Variants in CSMD1 observed in about 807,000 individuals in gnomAD.
The protein encoded by CSMD1 is CUB and Sushi multiple domains 1, also known as CUB and sushi domain-containing protein 1.
CSMD1 carries 213 observed loss-of-function variants against 417.5 expected under a neutral mutation model. The ratio of observed to expected loss-of-function variants is 0.51; its 90% CI spans 0.46 to 0.57. The LOEUF is 0.57. Ranked by LOEUF, CSMD1 falls within the 20% of genes least tolerant of loss-of-function variation. The pLI is 0.00. For missense variants in CSMD1, 6,923 were observed against 4,529.7 expected (o/e 1.53, Z -15.17); for synonymous variants, 2,862 against 1,736.8 (o/e 1.65, Z -16.11).
chr8:3,469,916 G>T (rs904041957), intron 11 of CSMD1, among the ~76,000 whole-genome samples: 1 of 152,162 alleles, frequency 6.6e-6, no homozygotes, highest in Non-Finnish European at 1.5e-5. Context: ...TGGCAACATT[G>T]TTCTTTTTCA....
At chr8:3,946,973 A>C (rs374251927) in intron 5 of CSMD1, among the ~76,000 whole-genome samples, 2 of 152,190 alleles carry the variant, frequency 1.3e-5, no homozygotes, top group African/African-American at 4.8e-5. Flanking sequence ...CACAGCAATC[A>C]CATCATATAA....
intron 1 of CSMD1, among the ~76,000 whole-genome samples, chr8:4,977,983 G>T (rs534747962): frequency 2.6e-5 from 4 of 152,260 alleles, no homozygotes; most frequent in East Asian, 1.9e-4. Context: ...TATTTACGAG[G>T]TTTCCCTGTT....
At chr8:3,204,124 G>A (rs998850904) in intron 31 of CSMD1, among the ~76,000 whole-genome samples, 34 of 152,306 alleles carry the variant, frequency 2.2e-4, no homozygotes, top group East Asian at 1.3e-3. Context: ...CTGTAACTAC[G>A]TTATTCCACG....
chr8:3,422,337 T>C (rs116955274), intron 12 of CSMD1, among the ~76,000 whole-genome samples: 2 of 152,174 alleles, frequency 1.3e-5, no homozygotes, highest in Non-Finnish European at 2.9e-5. Context: ...TTGGAAAAAA[T>C]GAGCCAGAAG....
In CSMD1 at chr8:4,815,314, G is replaced by A. The variant is rs147055272; in HGVS notation, c.86-177756C>T. 2.6e-3 allele frequency among the ~76,000 whole-genome samples: 400 copies of A among 152,262 alleles called. 3 individuals are homozygous for A. The highest frequency in any genetic ancestry group is 0.01 in the Middle Eastern group (3 of 294). Reference sequence around the variant, plus strand: ...TGTCCTTCCCTGCTCAGCCTTCTGAGTTAGGCAAAAGGTATGACATCACAG... The same window carrying A: ...TGTCCTTCCCTGCTCAGCCTTCTGAATTAGGCAAAAGGTATGACATCACAG... On this transcript the variant is annotated intron_variant, in intron 1 of 69. Coordinates refer to ENST00000635120, the MANE Select transcript of CSMD1 (RefSeq NM_033225.6).
intron 1 of CSMD1, among the ~76,000 whole-genome samples, chr8:4,934,933 A>C (rs1206287942): frequency 5.3e-5 from 8 of 152,124 alleles, no homozygotes; most frequent in Non-Finnish European, 1.0e-4. Context: ...TCATCCATCA[A>C]TCATCTATTT....
At chr8:4,219,631 GC>G (rs138969588) in intron 3 of CSMD1, among the ~76,000 whole-genome samples, 1,693 of 152,266 alleles carry the variant, frequency 0.011, 19 homozygotes, top group Non-Finnish European at 0.015. Context: ...ATCACTTTAA[GC>G]AAATCTTTGT....
chr8:4,538,193 T>C, intron 2 of CSMD1, among the ~76,000 whole-genome samples: 2 of 133,070 alleles, frequency 1.5e-5, no homozygotes. Context: ...GTGGCTACAT[T>C]TTTTTTTTTT....
At chr8:3,976,003 A>C (rs1324430482) in intron 5 of CSMD1, among the ~76,000 whole-genome samples, 1 of 152,152 alleles carries the variant, frequency 6.6e-6, no homozygotes, top group African/African-American at 2.4e-5. Flanking sequence ...CATTTAAAAT[A>C]TTATGATCCT....
intron 2 of CSMD1, among the ~76,000 whole-genome samples, chr8:4,620,549 T>C (rs1418973286): frequency 6.6e-6 from 1 of 151,676 alleles, no homozygotes; most frequent in Non-Finnish European, 1.5e-5. Context: ...AGAATAAAAA[T>C]TGCACAGAGT....
At position 3,409,593 on chromosome 8, in the gene CSMD1, C is replaced by A; in HGVS notation, c.1574G>T (p.Gly525Val). The change falls in exon 13 of 70, where the codon GGA becomes GTA. Residue 525 changes from glycine (G) to valine (V), a missense_variant. Transcript: ENST00000635120. The part of the protein sequence containing the change: ...FKAVYQEIEK[G>V]GCGDPGIPAY... ...GGGGATTCCAGGATCCCCACACCCT[C>A]CCTTTTCAATTTCTGAAAATGGAAA... The A allele has an allele frequency of 6.3e-7, 1 of 1,586,822 alleles. No homozygotes were observed.
intron 49 of CSMD1, among the ~76,000 whole-genome samples, chr8:3,067,281 C>A (rs577841938): frequency 1.3e-5 from 2 of 152,292 alleles, no homozygotes; most frequent in African/African-American, 4.8e-5. Context: ...ATGTACAAAT[C>A]ATTACCAGAC....
intron 3 of CSMD1, among the ~76,000 whole-genome samples, chr8:4,407,096 T>A (rs917991340): frequency 6.6e-6 from 1 of 152,202 alleles, no homozygotes; most frequent in Non-Finnish European, 1.5e-5. Context: ...GCTTTCATAC[T>A]GTAGCAGCAG....
intron 5 of CSMD1, among the ~76,000 whole-genome samples, chr8:3,866,918 T>A (rs1805143922): frequency 6.6e-6 from 1 of 152,216 alleles, no homozygotes; most frequent in South Asian, 2.1e-4. Context: ...ATACTGCCAC[T>A]GGACATATGC....
At chr8:3,327,628 G>T (rs1446446347) in intron 23 of CSMD1, among the ~76,000 whole-genome samples, 1 of 152,104 alleles carries the variant, frequency 6.6e-6, no homozygotes, top group African/African-American at 2.4e-5. Flanking sequence ...AGTGACCTGG[G>T]AATAGTAAAG....
chr8:3,714,602 T>C (rs1348584981), intron 6 of CSMD1, among the ~76,000 whole-genome samples: 1 of 118,728 alleles, frequency 8.4e-6, no homozygotes, highest in Non-Finnish European at 1.7e-5. Context: ...CCAGGCATGG[T>C]GGCGGGCGAC....
chr8:3,320,008 C>T (rs4875609), intron 23 of CSMD1, among the ~76,000 whole-genome samples: 71,731 of 151,864 alleles, frequency 0.47, 17,952 homozygotes, highest in South Asian at 0.57. Flanking sequence ...GTGAATAGAC[C>T]GGGCCCCAAC....
chr8:3,500,504 G>A (rs1247370106), intron 10 of CSMD1, among the ~76,000 whole-genome samples: 1 of 152,172 alleles, frequency 6.6e-6, no homozygotes, highest in Admixed American at 6.5e-5. Context: ...GAAGGCACGT[G>A]AAAAGAAGAG....
At chr8:3,824,620 T>C (rs1801944115) in intron 5 of CSMD1, among the ~76,000 whole-genome samples, 2 of 152,202 alleles carry the variant, frequency 1.3e-5, no homozygotes, top group African/African-American at 4.8e-5. Context: ...ATTTTATTAA[T>C]GTTTTTCTAC....
Sources: gnomAD v4.1 joint callset for allele counts (sites outside exome capture counted in the v4.1 genomes callset) on GRCh38, gnomAD v4.1.1 for gene constraint, MANE v1.5 for transcripts, NCBI Gene and HGNC (gene_info 2026-07-23, HGNC 2026-07-21) for gene names.